The following NYAP2 variants were observed in gnomAD, a reference collection of about 807,000 sequenced individuals.
NYAP2 encodes the protein neuronal tyrosine-phosphorylated phosphoinositide-3-kinase adapter 2.
In NYAP2, 23 loss-of-function variants were observed where a neutral mutation model predicts 50.4. That is an observed-to-expected ratio of 0.46 (90% CI 0.33 to 0.65). The LOEUF is 0.65. Among genes scored for constraint, NYAP2 ranks in the 30% least tolerant of loss-of-function variants. The pLI is 0.02. For synonymous variants in NYAP2, 394 were observed against 365.2 expected, an observed-to-expected ratio of 1.08 and a Z score of -0.90; for missense variants, 885 against 861.0, an observed-to-expected ratio of 1.03 and a Z score of -0.35.
intron 4 of NYAP2, among the ~76,000 whole-genome samples, chr2:225,546,637 G>A (rs988704058): frequency 2.0e-5 from 3 of 152,050 alleles, no homozygotes; most frequent in South Asian, 2.1e-4. Context: ...CAAGAACTAA[G>A]GCCCAGAATC....
chr2:225,605,635 A>G (rs1692772234), intron 5 of NYAP2, among the ~76,000 whole-genome samples: 1 of 152,094 alleles, frequency 6.6e-6, no homozygotes, highest in Non-Finnish European at 1.5e-5. Context: ...TTCCTTATTT[A>G]TGAAGTTGGG....
intron 3 of NYAP2, among the ~76,000 whole-genome samples, chr2:225,483,150 T>C (rs745518343): frequency 7.2e-5 from 11 of 152,194 alleles, no homozygotes; most frequent in Non-Finnish European, 1.5e-4. Context: ...TATAACACTG[T>C]ATCATATACT....
intron 2 of NYAP2, among the ~76,000 whole-genome samples, chr2:225,408,391 A>G (rs1467132688): frequency 6.6e-6 from 1 of 152,052 alleles, no homozygotes; most frequent in Non-Finnish European, 1.5e-5. Context: ...CATACATTTT[A>G]ATTTCAAAAA....
intron 4 of NYAP2, among the ~76,000 whole-genome samples, chr2:225,578,777 A>C (rs1471029044): frequency 6.6e-6 from 1 of 152,174 alleles, no homozygotes; most frequent in Non-Finnish European, 1.5e-5. Context: ...GATGACATTA[A>C]AATGTTCATC....
At chr2:225,405,746 G>A (rs954024164) in intron 2 of NYAP2, among the ~76,000 whole-genome samples, 1 of 151,992 alleles carries the variant, frequency 6.6e-6, no homozygotes, top group East Asian at 1.9e-4. Context: ...GAGTTTCGTG[G>A]TCCATATGTC....
At chr2:225,489,595 T>G (rs1259129083) in intron 3 of NYAP2, among the ~76,000 whole-genome samples, 3 of 152,216 alleles carry the variant, frequency 2.0e-5, no homozygotes, top group Non-Finnish European at 4.4e-5. Context: ...AATAATTTAT[T>G]TCTCCTTTTA....
At chr2:225,552,056 A>G (rs533342076) in intron 4 of NYAP2, among the ~76,000 whole-genome samples, 21 of 152,252 alleles carry the variant, frequency 1.4e-4, no homozygotes, top group Admixed American at 1.1e-3. Flanking sequence ...CAAGTGTTCC[A>G]CCTGCCTCGG....
At chr2:225,491,213 C>T (rs1244319496) in intron 3 of NYAP2, among the ~76,000 whole-genome samples, 1 of 152,186 alleles carries the variant, frequency 6.6e-6, no homozygotes, top group Non-Finnish European at 1.5e-5. Flanking sequence ...AGCTTAATTA[C>T]ATGAGCAATA....
chr2:225,404,996 C>T (rs1694916582), intron 2 of NYAP2, among the ~76,000 whole-genome samples: 1 of 151,990 alleles, frequency 6.6e-6, no homozygotes, highest in Admixed American at 6.6e-5. Context: ...CACAGTGTTG[C>T]ACTACTTGTA....
At chr2:225,410,675 C>T (rs1486796663) in intron 3 of NYAP2, among the ~76,000 whole-genome samples, 2 of 151,786 alleles carry the variant, frequency 1.3e-5, no homozygotes, top group Non-Finnish European at 2.9e-5. Flanking sequence ...TACAGAACAC[C>T]CAAAGTTTGC....
intron 4 of NYAP2, among the ~76,000 whole-genome samples, chr2:225,548,921 G>T (rs1348345895): frequency 6.8e-6 from 1 of 147,754 alleles, no homozygotes; most frequent in Non-Finnish European, 1.5e-5. Flanking sequence ...CTTGCTCATT[G>T]CCCAGGCTGG....
At chr2:225,545,096 T>A (rs1691549839) in intron 4 of NYAP2, among the ~76,000 whole-genome samples, 1 of 152,208 alleles carries the variant, frequency 6.6e-6, no homozygotes, top group Admixed American at 6.5e-5. Flanking sequence ...GTCTCTTTTC[T>A]CTTGCTGCTT....
At position 225,424,640 on chromosome 2, in the gene NYAP2, A is replaced by G. The variant is rs191644122; in HGVS notation, c.221+15539A>G. On this transcript the variant is annotated intron_variant, in intron 3 of 6. Transcript: ENST00000636099. ...ACTACAAAGTCAAAAAGTCAATATG[A>G]AGGTTTTGGAATTCCCTCAAATTGT... is the stretch of plus-strand genomic sequence containing the variant. Among the ~76,000 whole-genome samples, 158 of 152,152 alleles carry G rather than the reference A, an allele frequency of 1.0e-3. 1 individual carries two copies. The highest frequency in any genetic ancestry group is 3.4e-3 in the Middle Eastern group (1 of 294).
At chr2:225,518,816 C>T (rs1026916844) in intron 4 of NYAP2, among the ~76,000 whole-genome samples, 20 of 150,850 alleles carry the variant, frequency 1.3e-4, no homozygotes, top group Non-Finnish European at 2.8e-4. Flanking sequence ...GTCAGGAGTT[C>T]GAGAGTAGCC....
intron 4 of NYAP2, among the ~76,000 whole-genome samples, chr2:225,574,958 T>C (rs766344054): frequency 6.6e-6 from 1 of 152,192 alleles, no homozygotes; most frequent in Non-Finnish European, 1.5e-5. Context: ...AAAGTCTTCA[T>C]GGCAAACACT....
At chr2:225,565,068 T>A (rs566524625) in intron 4 of NYAP2, among the ~76,000 whole-genome samples, 6 of 151,966 alleles carry the variant, frequency 3.9e-5, no homozygotes, top group Non-Finnish European at 7.4e-5. Flanking sequence ...GGGGCAGAGG[T>A]TGCAGTGAGA....
intron 3 of NYAP2, among the ~76,000 whole-genome samples, chr2:225,494,336 A>G (rs1325400603): frequency 6.6e-6 from 1 of 152,222 alleles, no homozygotes; most frequent in Admixed American, 6.5e-5. Flanking sequence ...CTGCAGGGAA[A>G]TGGGAAGTAT....
At chr2:225,442,512 T>C (rs1689487377) in intron 3 of NYAP2, among the ~76,000 whole-genome samples, 1 of 152,230 alleles carries the variant, frequency 6.6e-6, no homozygotes, top group African/African-American at 2.4e-5. Flanking sequence ...TTCATACTTC[T>C]ATGAAGAAAT....
intron 3 of NYAP2, among the ~76,000 whole-genome samples, chr2:225,411,046 G>A (rs1049671191): frequency 6.6e-6 from 1 of 152,130 alleles, no homozygotes; most frequent in Non-Finnish European, 1.5e-5. Flanking sequence ...AGTCCCACAT[G>A]ATCTGGAGAC....
Sources: allele counts gnomAD v4.1 joint callset (sites outside exome capture counted in the v4.1 genomes callset), GRCh38; gene constraint gnomAD v4.1.1; transcripts MANE v1.5; gene names NCBI Gene and HGNC (gene_info 2026-07-23, HGNC 2026-07-21).